The following CAMTA1 variants were observed in gnomAD, a reference collection of about 807,000 sequenced individuals.
CAMTA1 encodes the protein calmodulin binding transcription activator 1.
Under a neutral mutation model 170.9 loss-of-function variants are expected in CAMTA1, and 27 were observed. The observed-to-expected ratio is 0.16, with a 90% CI of 0.12 to 0.22. The LOEUF (loss-of-function observed/expected upper bound fraction) is 0.22. Among genes scored for constraint, CAMTA1 ranks in the 10% least tolerant of loss-of-function variants. CAMTA1 has a pLI of 1.00. For missense variants in CAMTA1, 1,619 were observed against 2,217.2 expected, an observed-to-expected ratio of 0.73 and a Z score of 5.42; for synonymous variants, 833 against 891.5, an observed-to-expected ratio of 0.93 and a Z score of 1.17.
chr1:7,318,812 A>G (rs1677926024), intron 5 of CAMTA1, among the ~76,000 whole-genome samples: 1 of 152,222 alleles, frequency 6.6e-6, no homozygotes, highest in Non-Finnish European at 1.5e-5. Context: ...CTGGATCCCT[A>G]GGGCCTAGCA....
At position 7,264,142 on chromosome 1, in the gene CAMTA1, A is replaced by G. The variant is rs139374806; in HGVS notation, c.438+14516A>G. Among the ~76,000 whole-genome samples, 3 of 152,232 alleles carry G rather than the reference A, an allele frequency of 2.0e-5. No homozygotes were observed. In the East Asian group the frequency reaches 5.8e-4, roughly 29 times the overall value. On this transcript the variant is annotated intron_variant, in intron 5 of 22. Coordinates refer to ENST00000303635, the MANE Select transcript of CAMTA1 (RefSeq NM_015215.4). ...CCTGCAAAGGACGCTTCTGCAAAGG[A>G]TGCAGAAAAGCATTCCTCAAACTTT...
intron 3 of CAMTA1, among the ~76,000 whole-genome samples, chr1:6,878,457 T>G (rs1248288409): frequency 1.3e-5 from 2 of 152,226 alleles, no homozygotes; most frequent in East Asian, 1.9e-4. Flanking sequence ...TAGAGGGCTA[T>G]CATTCTGATT....
Position 7,569,839 on chromosome 1 carries a change from A to G in CAMTA1, c.511-70561A>G, listed in dbSNP as rs1361071678. Among the ~76,000 whole-genome samples the G allele has an allele frequency of 2.0e-5, 3 of 152,104 alleles. No individual in the cohort carries two copies. The East Asian group carries it at 5.8e-4, about 29-fold the overall frequency. On this transcript the variant is annotated intron_variant, in intron 6 of 22. Transcript: ENST00000303635. ...CAATCACCATCATTATTATTACTGTACCACCCAGGTGCAGACAGTGTGTCC... is the reference window on the plus strand; with the variant it reads ...CAATCACCATCATTATTATTACTGTGCCACCCAGGTGCAGACAGTGTGTCC...
At chr1:6,851,125 A>G (rs1290137805) in intron 3 of CAMTA1, among the ~76,000 whole-genome samples, 1 of 152,204 alleles carries the variant, frequency 6.6e-6, no homozygotes, top group Non-Finnish European at 1.5e-5. Context: ...AGACTATGGA[A>G]GTGGATCGAC....
intron 5 of CAMTA1, among the ~76,000 whole-genome samples, chr1:7,279,836 G>A (rs1671257514): frequency 6.6e-6 from 1 of 152,146 alleles, no homozygotes; most frequent in African/African-American, 2.4e-5. Flanking sequence ...CTGAGCTACA[G>A]CCTCAGGTTA....
At chr1:7,762,591 A>G (rs925888928) in intron 22 of CAMTA1, among the ~76,000 whole-genome samples, 1 of 152,238 alleles carries the variant, frequency 6.6e-6, no homozygotes, top group Non-Finnish European at 1.5e-5. Flanking sequence ...CTCAAGTAAC[A>G]TAAAACTTCA....
chr1:7,672,379 C>A (rs540772349), intron 10 of CAMTA1, among the ~76,000 whole-genome samples: 1 of 152,220 alleles, frequency 6.6e-6, no homozygotes, highest in African/African-American at 2.4e-5. Context: ...CTGAGTCCCA[C>A]CACCCATTTC....
At chr1:7,573,644 A>G (rs1011031080) in intron 6 of CAMTA1, among the ~76,000 whole-genome samples, 6 of 152,088 alleles carry the variant, frequency 3.9e-5, no homozygotes, top group African/African-American at 9.7e-5. Flanking sequence ...GCTTGCAGCT[A>G]TGTCACTCTG....
At chr1:7,345,805 A>T (rs534645857) in intron 5 of CAMTA1, among the ~76,000 whole-genome samples, 3 of 152,336 alleles carry the variant, frequency 2.0e-5, no homozygotes, top group East Asian at 1.9e-4. Flanking sequence ...CACTTGGGCT[A>T]AGCTGCTGCC....
At chr1:7,335,165 G>T (rs1321291718) in intron 5 of CAMTA1, among the ~76,000 whole-genome samples, 3 of 33,206 alleles carry the variant, frequency 9.0e-5, no homozygotes, top group Non-Finnish European at 1.1e-4. Context: ...GGGTGGGGGT[G>T]GGGGGTGTCA....
chr1:7,730,448 G>A (rs1223328063), intron 11 of CAMTA1, among the ~76,000 whole-genome samples: 2 of 152,208 alleles, frequency 1.3e-5, no homozygotes, highest in Non-Finnish European at 2.9e-5. Flanking sequence ...CAAACTCGAA[G>A]TGTCACCTTT....
chr1:7,457,115 T>A (rs960761070), intron 5 of CAMTA1, among the ~76,000 whole-genome samples: 1 of 145,494 alleles, frequency 6.9e-6, no homozygotes, highest in African/African-American at 2.5e-5. Context: ...CCTGGCCTTC[T>A]CTGACTTGAG....
At chr1:7,636,854 G>C (rs1318761609) in intron 6 of CAMTA1, among the ~76,000 whole-genome samples, 1 of 152,180 alleles carries the variant, frequency 6.6e-6, no homozygotes, top group Non-Finnish European at 1.5e-5. Context: ...AATAAGCACC[G>C]GTGATTGTTG....
At chr1:7,222,818 G>A (rs539522029) in intron 4 of CAMTA1, among the ~76,000 whole-genome samples, 51 of 152,330 alleles carry the variant, frequency 3.3e-4, no homozygotes, top group African/African-American at 8.2e-4. Flanking sequence ...TGGCTTCGCC[G>A]CGTGCCAGCT....
At chr1:7,474,868 G>T (rs751961153) in intron 6 of CAMTA1, among the ~76,000 whole-genome samples, 2 of 152,146 alleles carry the variant, frequency 1.3e-5, no homozygotes, top group South Asian at 4.1e-4. Context: ...GCCTCTCCCC[G>T]CACCCCACTC....
intron 4 of CAMTA1, among the ~76,000 whole-genome samples, chr1:7,245,518 A>G (rs979088453): frequency 6.6e-6 from 1 of 151,710 alleles, no homozygotes; most frequent in Admixed American, 6.6e-5. Flanking sequence ...CTTTATACCC[A>G]TTTCTTTACT....
At chr1:7,410,352 G>A (rs2090625619) in intron 5 of CAMTA1, among the ~76,000 whole-genome samples, 1 of 152,182 alleles carries the variant, frequency 6.6e-6, no homozygotes, top group African/African-American at 2.4e-5. Flanking sequence ...CTGGGTGAGG[G>A]TCCCACCCCT....
intron 5 of CAMTA1, among the ~76,000 whole-genome samples, chr1:7,395,699 C>A (rs569586541): frequency 1.3e-5 from 2 of 152,272 alleles, no homozygotes; most frequent in East Asian, 3.9e-4. Context: ...TTCTTCCAAT[C>A]CATGAATATG....
At chr1:7,715,708 T>G (rs1429145885) in intron 11 of CAMTA1, among the ~76,000 whole-genome samples, 1 of 152,212 alleles carries the variant, frequency 6.6e-6, no homozygotes, top group African/African-American at 2.4e-5. Context: ...CTCACTGATT[T>G]GAAATTTGCA....
Sources: gnomAD v4.1 joint callset for allele counts (sites outside exome capture counted in the v4.1 genomes callset) on GRCh38, gnomAD v4.1.1 for gene constraint, MANE v1.5 for transcripts, NCBI Gene and HGNC (gene_info 2026-07-23, HGNC 2026-07-21) for gene names.